The following HTT-AS variants were observed in gnomAD, a reference collection of about 807,000 sequenced individuals.
HTT-AS encodes HTT antisense RNA (head to head).
At chr4:3,073,504 A>T (rs1403801104) in intron 1 of HTT-AS, among the ~76,000 whole-genome samples, 4 of 152,218 alleles carry the variant, frequency 2.6e-5, no homozygotes, top group Admixed American at 2.6e-4. Flanking sequence ...GCACTCCCAT[A>T]AAGAAACGCC....
At chr4:3,068,718 G>A (rs1042620156) in intron 1 of HTT-AS, among the ~76,000 whole-genome samples, 2 of 148,306 alleles carry the variant, frequency 1.3e-5, no homozygotes, top group Non-Finnish European at 3.0e-5. Context: ...GAAATGGCAC[G>A]GTCTCGGCTC....
chr4:3,055,292 C>T (rs6853929), intron 2 of HTT-AS, among the ~76,000 whole-genome samples: 8,372 of 151,138 alleles, frequency 0.055, 418 homozygotes, highest in African/African-American at 0.13. Context: ...AGCGAGACTC[C>T]GTCTAAAAAA....
At chr4:3,051,312 GC>G (rs1197375084) in intron 2 of HTT-AS, among the ~76,000 whole-genome samples, 1 of 152,122 alleles carries the variant, frequency 6.6e-6, no homozygotes. Context: ...TGATCCACCT[GC>G]CTTGGCCCCC....
chr4:3,053,031 G>A (rs781730094), intron 2 of HTT-AS, among the ~76,000 whole-genome samples: 2 of 151,766 alleles, frequency 1.3e-5, no homozygotes, highest in African/African-American at 2.4e-5. Flanking sequence ...TTGGAGATCC[G>A]TTTTGCCTTC....
At chr4:3,073,391 C>T (rs1300777236) in intron 1 of HTT-AS, among the ~76,000 whole-genome samples, 1 of 152,240 alleles carries the variant, frequency 6.6e-6, no homozygotes, top group African/African-American at 2.4e-5. Flanking sequence ...CCCTGCCCGC[C>T]ACGGCCTGTG....
chr4:3,073,496 A>G (rs1712248691), intron 1 of HTT-AS, among the ~76,000 whole-genome samples: 1 of 152,120 alleles, frequency 6.6e-6, no homozygotes, highest in African/African-American at 2.4e-5. Context: ...GCAGGGGTGC[A>G]CTCCCATAAA....
At chr4:3,047,167 C>T (rs927061158), downstream of HTT-AS, among the ~76,000 whole-genome samples, 2 of 151,914 alleles carry the variant, frequency 1.3e-5, no homozygotes, top group African/African-American at 2.4e-5. Flanking sequence ...AAAAATTAGC[C>T]GGGCGTGGTG....
chr4:3,071,967 G>C (rs1283154577), intron 1 of HTT-AS, among the ~76,000 whole-genome samples: 1 of 152,210 alleles, frequency 6.6e-6, no homozygotes, highest in Non-Finnish European at 1.5e-5. Context: ...TGTTATGGCA[G>C]CCCAAGTAAA....
At chr4:3,049,029 A>G (rs767854643), downstream of HTT-AS, among the ~76,000 whole-genome samples, 2 of 152,208 alleles carry the variant, frequency 1.3e-5, no homozygotes, top group African/African-American at 2.4e-5. Flanking sequence ...TGGCTGCAAA[A>G]TCCTTCACAA....
At chr4:3,072,647 T>A (rs1054487957) in intron 1 of HTT-AS, among the ~76,000 whole-genome samples, 1 of 152,320 alleles carries the variant, frequency 6.6e-6, no homozygotes. Context: ...TATTTATTTT[T>A]GAGACAGAGT....
chr4:3,074,297 C>G (rs1712321781), intron 1 of HTT-AS: 2 of 132,754 alleles, frequency 1.5e-5, no homozygotes. Flanking sequence ...CCTCGCCACG[C>G]CCCTACCTCA....
At position 3,074,517 on chromosome 4, in the gene HTT-AS, G is replaced by T. The variant is rs937269832; in HGVS notation, n.22C>A. The T allele has an allele frequency of 1.1e-5, 3 of 284,772 alleles. No homozygotes were observed. The East Asian group carries it at 3.0e-4, about 28-fold the overall frequency. The allele number at this position is 284,772 out of a possible 1,614,324, so 17.6% of individuals were successfully genotyped here. ...GCTGCGCTGTCAGCGGCCTTGCTGTGTGAGGCAGAACCTGCGGGGGCAGGG... is the reference window on the plus strand; with the variant it reads ...GCTGCGCTGTCAGCGGCCTTGCTGTTTGAGGCAGAACCTGCGGGGGCAGGG... On this transcript the variant is annotated non_coding_transcript_exon_variant, in exon 1 of 3. Coordinates refer to ENST00000664062, the Ensembl canonical transcript of HTT-AS.
At chr4:3,068,331 AAAG>A in intron 1 of HTT-AS, among the ~76,000 whole-genome samples, 2 of 144,090 alleles carry the variant, frequency 1.4e-5, no homozygotes, top group African/African-American at 5.0e-5. Context: ...AAAAAAAAAA[AAAG>A]GGTGACGAAG....
downstream of HTT-AS, among the ~76,000 whole-genome samples, chr4:3,048,560 A>T (rs1466668691): frequency 6.6e-6 from 1 of 152,214 alleles, no homozygotes; most frequent in Admixed American, 6.5e-5. Flanking sequence ...GCTAGATAAG[A>T]GGCTACTCAC....
At chr4:3,061,402 T>C (rs1335834591) in intron 2 of HTT-AS, among the ~76,000 whole-genome samples, 1 of 152,164 alleles carries the variant, frequency 6.6e-6, no homozygotes. Context: ...GTCTATTGAC[T>C]GGGCGCAGTG....
At chr4:3,064,348 C>G (rs935116276) in intron 1 of HTT-AS, among the ~76,000 whole-genome samples, 1 of 152,146 alleles carries the variant, frequency 6.6e-6, no homozygotes, top group African/African-American at 2.4e-5. Context: ...CCTGCCTCAG[C>G]CTCCCAAAGT....
chr4:3,060,035 C>T (rs1036627825), intron 2 of HTT-AS, among the ~76,000 whole-genome samples: 2 of 151,138 alleles, frequency 1.3e-5, no homozygotes, highest in Non-Finnish European at 1.5e-5. Flanking sequence ...GATTCTCCTG[C>T]GTCGGTCTCC....
chr4:3,069,629 C>G (rs1712125073), intron 1 of HTT-AS, among the ~76,000 whole-genome samples: 1 of 152,006 alleles, frequency 6.6e-6, no homozygotes, highest in South Asian at 2.1e-4. Context: ...TGTCAAAGAC[C>G]CCACATAAGA....
At chr4:3,058,904 G>C (rs1711859746) in intron 2 of HTT-AS, among the ~76,000 whole-genome samples, 1 of 152,052 alleles carries the variant, frequency 6.6e-6, no homozygotes, top group Non-Finnish European at 1.5e-5. Context: ...GTTTTTAGTA[G>C]AGATGGGGTT....
Sources: allele counts gnomAD v4.1 joint callset (sites outside exome capture counted in the v4.1 genomes callset), GRCh38; gene constraint gnomAD v4.1.1; transcripts MANE v1.5; gene names NCBI Gene and HGNC (gene_info 2026-07-23, HGNC 2026-07-21).